CEP350: variants seen among roughly 807,000 people sequenced by gnomAD.
CEP350 encodes the protein centrosome-associated protein 350.
CEP350 carries 126 observed loss-of-function variants against 331.8 expected under a neutral mutation model. That is an observed-to-expected ratio of 0.38 (90% CI 0.33 to 0.44). The LOEUF is 0.44. CEP350 is among the 20% of genes least tolerant of loss of function. The pLI, the probability that CEP350 is intolerant of heterozygous loss-of-function variation, is 1.00. For missense variants in CEP350, 3,406 were observed against 3,634.6 expected (o/e 0.94, Z 1.62); for synonymous variants, 1,200 against 1,259.5 (o/e 0.95, Z 1.00).
At chr1:180,052,919 C>A in intron 22 of CEP350, 51 bp from the exon 23 acceptor site, 1 of 678,578 alleles carries the variant, frequency 1.5e-6, no homozygotes, top group South Asian at 2.3e-5. Context: ...AATTGAATAC[C>A]TACTGAGAAC....
chr1:180,069,217 G>A (rs1658737799), intron 27 of CEP350, among the ~76,000 whole-genome samples: 2 of 152,162 alleles, frequency 1.3e-5, no homozygotes. Flanking sequence ...ACACTTCCCA[G>A]TTGGCTTACA....
chr1:180,057,395 C>T (rs1418275304), intron 25 of CEP350, among the ~76,000 whole-genome samples: 1 of 152,140 alleles, frequency 6.6e-6, no homozygotes, highest in African/African-American at 2.4e-5. Context: ...GCCACCGTGC[C>T]TGGCCTACTT....
At chr1:180,012,204 GAA>G in intron 9 of CEP350, 129 bp downstream of exon 9, 1 of 792,862 alleles carries the variant, frequency 1.3e-6, no homozygotes. Flanking sequence ...GCTCAAAAAA[GAA>G]AAAAATGTTC....
intron 9 of CEP350, 143 bp from the exon 10 acceptor site, chr1:180,013,704 A>T (rs1654797661): frequency 3.1e-6 from 2 of 653,884 alleles, no homozygotes; most frequent in Non-Finnish European, 4.9e-6. Flanking sequence ...TTCCTTTTAT[A>T]ATTTTCTTCA....
In CEP350 at chr1:180,065,286, A is replaced by G. The variant is rs578258381; in HGVS notation, c.5567+14A>G. On this transcript the variant is annotated intron_variant, in intron 27 of 37. Transcript: ENST00000367607. ...CATGGATGAAAAGTATTTGTTTTTT[A>G]TAAATATCTCTTGTTTAGTTACATT... 33 of 1,597,220 alleles carry G rather than the reference A, an allele frequency of 2.1e-5. No homozygotes were observed. In the East Asian group the frequency reaches 2.2e-4, roughly 11 times the overall value.
At chr1:179,971,119 C>T (rs1215629672) in intron 1 of CEP350, among the ~76,000 whole-genome samples, 1 of 150,948 alleles carries the variant, frequency 6.6e-6, no homozygotes, top group African/African-American at 2.4e-5. Flanking sequence ...ACCTCTGCCT[C>T]CCGGGTTTAA....
intron 29 of CEP350, among the ~76,000 whole-genome samples, chr1:180,080,089 T>C (rs1307802124): frequency 6.6e-6 from 1 of 152,166 alleles, no homozygotes; most frequent in African/African-American, 2.4e-5. Flanking sequence ...GATAGAAATT[T>C]TGTCTTTTGT....
At chr1:180,046,395 A>G (rs1442951211) in intron 21 of CEP350, among the ~76,000 whole-genome samples, 5 of 152,210 alleles carry the variant, frequency 3.3e-5, no homozygotes, top group African/African-American at 1.2e-4. Context: ...AGTTTCATGC[A>G]TGTTGTAGCA....
intron 1 of CEP350, among the ~76,000 whole-genome samples, chr1:179,968,183 T>C (rs1651158777): frequency 6.6e-6 from 1 of 151,996 alleles, no homozygotes; most frequent in South Asian, 2.1e-4. Context: ...ATATAAAAAT[T>C]AGCTGGGCAT....
At chr1:180,039,789 TCAA>T (rs138511976) in intron 17 of CEP350, among the ~76,000 whole-genome samples, 3 of 151,860 alleles carry the variant, frequency 2.0e-5, no homozygotes, top group Non-Finnish European at 4.4e-5. Flanking sequence ...TTTGTTAGTT[TCAA>T]CAACAACAAC....
chr1:180,094,401 A>T lies in CEP350; in HGVS notation c.8296A>T (p.Thr2766Ser). Residue 2766 changes from threonine (T) to serine (S), a missense_variant, in exon 34 of 38, where the codon ACA (threonine) becomes TCA (serine). Thr to Ser is a moderately conservative substitution (Grantham distance 58). This residue lies in a region of CEP350 where 1,415 missense variants were observed against 1,512.3 expected (regional missense o/e 0.94). Coordinates refer to ENST00000367607, the MANE Select transcript of CEP350 (RefSeq NM_014810.5). ...TTTACTAAAAGTCTTTGTAAAGGAC[A>T]CAGTCAATCAACTACAACAAATCAA... is the stretch of plus-strand genomic sequence containing the variant. ...DSLLKVFVKD[T>S]VNQLQQIKKT... The T allele has an allele frequency of 6.2e-7, 1 of 1,613,830 alleles. No individual in the cohort carries two copies. The highest frequency in any genetic ancestry group is 8.5e-7 in the Non-Finnish European group (1 of 1,179,814).
chr1:180,055,108 G>A (rs145917752), intron 25 of CEP350, among the ~76,000 whole-genome samples: 2 of 152,260 alleles, frequency 1.3e-5, no homozygotes, highest in African/African-American at 4.8e-5. Context: ...ACTTTATAGG[G>A]TTGTTTTAAG....
At chr1:180,071,283 C>T (rs761195684) in intron 27 of CEP350, among the ~76,000 whole-genome samples, 4 of 149,214 alleles carry the variant, frequency 2.7e-5, no homozygotes, top group Non-Finnish European at 5.9e-5. Flanking sequence ...CATGGTAAAA[C>T]CCCATCTCTA....
intron 37 of CEP350, among the ~76,000 whole-genome samples, chr1:180,108,515 C>T (rs1027531989): frequency 1.3e-5 from 2 of 151,584 alleles, no homozygotes; most frequent in Non-Finnish European, 2.9e-5. Flanking sequence ...AAAAGTGGGG[C>T]GGGGTGGGGG....
In CEP350 at chr1:179,997,053, C is replaced by T. The variant is rs953433736; in HGVS notation, c.896C>T (p.Thr299Ile). 1 of 1,613,958 alleles carries T rather than the reference C, an allele frequency of 6.2e-7. No homozygotes were observed. Among genetic ancestry groups the T allele is most frequent in the East Asian group, 2.2e-5 (1 of 44,882 alleles). The part of the protein sequence containing the change: ...IRKQWEHSEE[T>I]NGRGQKLGHI... ...AAACAGTGGGAACACTCAGAAGAAA[C>T]AAATGGCCGGGGCCAGAAGCTGGGT... is the stretch of plus-strand genomic sequence containing the variant. Residue 299 changes from threonine (T) to isoleucine (I), a missense_variant, in exon 6 of 38, where the codon ACA becomes ATA. Thr to Ile is a moderately conservative substitution (Grantham distance 89). Transcript: ENST00000367607.
intron 16 of CEP350, 63 bp downstream of exon 16, chr1:180,034,145 TC>T: frequency 6.7e-7 from 1 of 1,500,550 alleles, no homozygotes. Flanking sequence ...CTCTCAACAT[TC>T]CTTTTCTTTG....
intron 1 of CEP350, among the ~76,000 whole-genome samples, chr1:179,959,462 A>C (rs1202758715): frequency 1.3e-5 from 2 of 151,694 alleles, no homozygotes; most frequent in Admixed American, 6.6e-5. Flanking sequence ...AAAACAAACA[A>C]AACTTTTGTT....
chr1:179,967,284 A>G (rs1303496714), intron 1 of CEP350, among the ~76,000 whole-genome samples: 2 of 152,164 alleles, frequency 1.3e-5, no homozygotes, highest in African/African-American at 4.8e-5. Context: ...AAAGCCATTT[A>G]TAGTTTTTGT....
intron 4 of CEP350, among the ~76,000 whole-genome samples, chr1:179,991,538 T>C (rs1389305222): frequency 2.0e-5 from 3 of 151,700 alleles, no homozygotes; most frequent in Admixed American, 2.0e-4. Context: ...TCCGCCTGCC[T>C]TGGCCTCCCA....
Sources: allele counts gnomAD v4.1 joint callset (sites outside exome capture counted in the v4.1 genomes callset), GRCh38; gene constraint gnomAD v4.1.1; regional missense constraint gnomAD v4.1.1; transcripts MANE v1.5; gene names NCBI Gene and HGNC (gene_info 2026-07-23, HGNC 2026-07-21).